CCSER1: variants seen among roughly 807,000 people sequenced by gnomAD.
CCSER1 encodes the protein coiled-coil serine rich protein 1.
Under a neutral mutation model 82.0 loss-of-function variants are expected in CCSER1, and 41 were observed. The ratio of observed to expected loss-of-function variants is 0.50; its 90% CI spans 0.39 to 0.65. CCSER1 has a LOEUF of 0.65. Among genes scored for constraint, CCSER1 ranks in the 30% least tolerant of loss-of-function variants. The pLI, the probability that CCSER1 is intolerant of heterozygous loss-of-function variation, is 0.00. For synonymous variants in CCSER1, 414 were observed against 383.9 expected (o/e 1.08, Z -0.92); for missense variants, 1,119 against 1,064.2 (o/e 1.05, Z -0.72).
At chr4:90,740,052 C>T (rs1746291958) in intron 7 of CCSER1, among the ~76,000 whole-genome samples, 2 of 152,080 alleles carry the variant, frequency 1.3e-5, no homozygotes, top group South Asian at 4.1e-4. Flanking sequence ...TATTGCTCCG[C>T]CTTCGTCACT....
chr4:91,093,242 C>T (rs375235052), intron 10 of CCSER1, among the ~76,000 whole-genome samples: 13 of 152,326 alleles, frequency 8.5e-5, no homozygotes, highest in South Asian at 8.3e-4. Context: ...GATGAAGCTG[C>T]TCCCATCCAC....
chr4:90,605,178 TGGA>T (rs771502926), intron 5 of CCSER1, among the ~76,000 whole-genome samples: 2 of 152,088 alleles, frequency 1.3e-5, no homozygotes, highest in Non-Finnish European at 2.9e-5. Context: ...CCCGATACGT[TGGA>T]ACATTAGAAG....
At chr4:91,269,439 G>A (rs1005739579) in intron 10 of CCSER1, among the ~76,000 whole-genome samples, 20 of 152,138 alleles carry the variant, frequency 1.3e-4, no homozygotes, top group African/African-American at 4.6e-4. Context: ...AGTTCTGGGT[G>A]CTACATAAAA....
chr4:90,147,432 A>G (rs1726018378), intron 1 of CCSER1, among the ~76,000 whole-genome samples: 1 of 152,140 alleles, frequency 6.6e-6, no homozygotes, highest in South Asian at 2.1e-4. Flanking sequence ...AGACTTTACA[A>G]ACCATGAATT....
chr4:90,448,485 A>G (rs1167775822), intron 4 of CCSER1, among the ~76,000 whole-genome samples: 5 of 124,092 alleles, frequency 4.0e-5, no homozygotes, highest in African/African-American at 1.3e-4. Flanking sequence ...ATATATATAT[A>G]GCACTTTTCT....
At chr4:91,047,172 T>C (rs1334741116) in intron 9 of CCSER1, among the ~76,000 whole-genome samples, 1 of 150,784 alleles carries the variant, frequency 6.6e-6, no homozygotes, top group Non-Finnish European at 1.5e-5. Flanking sequence ...GAAGTGAGAG[T>C]TGCAGTGAGC....
At chr4:91,032,115 G>GA (rs1561486819) in intron 9 of CCSER1, among the ~76,000 whole-genome samples, 9 of 151,938 alleles carry the variant, frequency 5.9e-5, no homozygotes, top group East Asian at 1.9e-4. Flanking sequence ...ACAAAAATGT[G>GA]CTTTTTTGCA....
chr4:90,656,568 T>C (rs1222892730), intron 6 of CCSER1, among the ~76,000 whole-genome samples: 2 of 151,924 alleles, frequency 1.3e-5, no homozygotes, highest in African/African-American at 4.8e-5. Context: ...AGTGACAGCA[T>C]ATAGTTGGCT....
chr4:91,475,386 G>T (rs1051869505), intron 10 of CCSER1, among the ~76,000 whole-genome samples: 4 of 151,782 alleles, frequency 2.6e-5, no homozygotes, highest in Non-Finnish European at 5.9e-5. Flanking sequence ...GATATGGTAC[G>T]AAGGCGCACA....
At chr4:91,584,767 C>A (rs1578855725) in intron 10 of CCSER1, among the ~76,000 whole-genome samples, 1 of 151,248 alleles carries the variant, frequency 6.6e-6, no homozygotes, top group Non-Finnish European at 1.5e-5. Context: ...ACTATATAAA[C>A]ATTGTTATTA....
chr4:90,669,267 C>A (rs1014713559), intron 6 of CCSER1, among the ~76,000 whole-genome samples: 6 of 151,972 alleles, frequency 3.9e-5, no homozygotes, highest in African/African-American at 1.4e-4. Context: ...TTGCATTTTT[C>A]TCTTAAAATA....
intron 10 of CCSER1, among the ~76,000 whole-genome samples, chr4:91,137,082 A>G (rs1011135274): frequency 4.7e-5 from 7 of 149,226 alleles, no homozygotes; most frequent in Admixed American, 1.3e-4. Flanking sequence ...ACATATGTAT[A>G]CATGGGCCAT....
intron 6 of CCSER1, among the ~76,000 whole-genome samples, chr4:90,710,119 C>T (rs1740265732): frequency 1.3e-5 from 2 of 152,022 alleles, no homozygotes; most frequent in Non-Finnish European, 2.9e-5. Context: ...CCTTTGCCTG[C>T]TTTTTAATGG....
At chr4:91,185,355 A>G (rs1241493442) in intron 10 of CCSER1, among the ~76,000 whole-genome samples, 3 of 152,232 alleles carry the variant, frequency 2.0e-5, no homozygotes, top group Non-Finnish European at 4.4e-5. Flanking sequence ...ATCTGAATCA[A>G]TGACTCCTGT....
chr4:91,052,122 C>G (rs1257632870), intron 9 of CCSER1, among the ~76,000 whole-genome samples: 1 of 151,726 alleles, frequency 6.6e-6, no homozygotes, highest in South Asian at 2.1e-4. Context: ...GGAAAAAATG[C>G]CTTTTTTACA....
At chr4:91,167,948 ACCACCCCG>A (rs1732284878) in intron 10 of CCSER1, among the ~76,000 whole-genome samples, 3 of 128,964 alleles carry the variant, frequency 2.3e-5, no homozygotes, top group Admixed American at 7.7e-5. Context: ...CTGCCCGGCC[ACCACCCCG>A]TCTGGGAAGT....
At chr4:90,533,248 C>G (rs944828655) in intron 5 of CCSER1, among the ~76,000 whole-genome samples, 6 of 151,842 alleles carry the variant, frequency 4.0e-5, no homozygotes, top group Admixed American at 2.6e-4. Flanking sequence ...CCTGCCACCA[C>G]GCCTGGCAAC....
At chr4:91,134,082 G>A (rs1168180784) in intron 10 of CCSER1, among the ~76,000 whole-genome samples, 1 of 152,132 alleles carries the variant, frequency 6.6e-6, no homozygotes, top group East Asian at 1.9e-4. Flanking sequence ...CTGGGTGACA[G>A]AGCAAGATTC....
At chr4:90,437,272 C>CGT (rs1759157304) in intron 4 of CCSER1, among the ~76,000 whole-genome samples, 1 of 147,690 alleles carries the variant, frequency 6.8e-6, no homozygotes, top group African/African-American at 2.6e-5. Flanking sequence ...TGCACACATG[C>CGT]GCGCGCACAC....
Sources: gnomAD v4.1 joint callset for allele counts (sites outside exome capture counted in the v4.1 genomes callset) on GRCh38, gnomAD v4.1.1 for gene constraint, MANE v1.5 for transcripts, NCBI Gene and HGNC (gene_info 2026-07-23, HGNC 2026-07-21) for gene names.